The following TSNAXIP1 variants were observed in gnomAD, a reference collection of about 807,000 sequenced individuals.
TSNAXIP1 encodes the protein translin associated factor X interacting protein 1, also known as translin-associated factor X-interacting protein 1.
A neutral mutation model predicts 84.8 loss-of-function variants in TSNAXIP1; 89 were observed. The observed-to-expected ratio is 1.05, with a 90% CI of 0.88 to 1.25. The LOEUF (loss-of-function observed/expected upper bound fraction) is 1.25, where lower values mean the gene tolerates loss of function less well. TSNAXIP1 is among the 50% of genes most tolerant of loss of function. TSNAXIP1 has a pLI of 0.00. For missense variants in TSNAXIP1, 874 were observed against 887.6 expected (o/e 0.98, Z 0.20); for synonymous variants, 347 against 335.2 (o/e 1.04, Z -0.39).
rs748167125 is a variant in TSNAXIP1 at position 67,820,865 on chromosome 16, C to T, written c.174C>T (p.His58=). 7 of 1,578,084 alleles carry T rather than the reference C, an allele frequency of 4.4e-6. No individual in the cohort carries two copies. Among genetic ancestry groups the T allele is most frequent in the Admixed American group, 1.9e-5 (1 of 53,406 alleles). ...CTGGTCAGTTCTCCATGGGTGGGCA[C>T]CTGTCCCCATGGCCCACATACACCA... ...TLTGQFSMGG[H]LSPWPTYTSG... Residue 58 remains histidine, a synonymous_variant, in exon 3 of 16, where the codon CAC becomes CAT. Transcript: ENST00000561639.
Position 67,825,717 on chromosome 16 carries a change from C to T in TSNAXIP1, c.865C>T (p.Arg289Trp), listed in dbSNP as rs753750213. The change falls in exon 8 of 16, where the codon CGG (arginine) becomes TGG (tryptophan). Residue 289 changes from arginine to tryptophan, a missense_variant. Physicochemically the swap from Arg to Trp is moderately radical, Grantham distance 101. Transcript: ENST00000561639. ...GTTAACCCTGGCTCTTAAGATGACC[C>T]GGCAAGACCTGACCCGCACGCAGAT... ...VKLTLALKMT[R>W]QDLTRTQMEL... The T allele has an allele frequency of 6.8e-6, 11 of 1,614,134 alleles. No individual in the cohort carries two copies. The highest frequency in any genetic ancestry group is 3.3e-4 in the Middle Eastern group (2 of 6,062).
chr16:67,824,471 G>A (rs2057295142), intron 5 of TSNAXIP1, 112 bp from the exon 6 acceptor site: 1 of 1,004,458 alleles, frequency 1.0e-6, no homozygotes, highest in African/African-American at 1.6e-5. Context: ...AAGGCATGCA[G>A]AGATTCTTGG....
At position 67,825,871 on chromosome 16, in the gene TSNAXIP1, C is replaced by T. The variant is rs369084228; in HGVS notation, c.984+35C>T. Reference sequence around the variant, plus strand: ...GGCAGGCAGGGCCAGGAGGGTAGGACGGGGTCTCACAGGTGGGGGGCCAGG... The same window carrying T: ...GGCAGGCAGGGCCAGGAGGGTAGGATGGGGTCTCACAGGTGGGGGGCCAGG... On this transcript the variant is annotated intron_variant, in intron 8 of 15. Transcript: ENST00000561639. The T allele has an allele frequency of 4.9e-4, 783 of 1,613,940 alleles. 9 individuals are homozygous for T. In the South Asian group the frequency reaches 6.4e-3, roughly 13 times the overall value.
intron 2 of TSNAXIP1, among the ~76,000 whole-genome samples, chr16:67,815,033 A>G (rs2056425025): frequency 6.6e-6 from 1 of 152,060 alleles, no homozygotes; most frequent in African/African-American, 2.4e-5. Context: ...TAAAAAAAAA[A>G]AGAGCCGGGC....
In TSNAXIP1 at chr16:67,827,452, CT is replaced by C. The variant is rs773968489; in HGVS notation, c.1792-20del. On this transcript the variant is annotated intron_variant, in intron 14 of 15. Transcript: ENST00000561639. ...GGACCCTACCCAATGTGCCCTCCCC[CT>C]GACTTGTGGCCCCTCCCAGGATGAG... 5.6e-6 allele frequency: 9 copies of C among 1,614,154 alleles called. No homozygotes were observed. Among genetic ancestry groups the C allele is most frequent in the Non-Finnish European group, 7.6e-6 (9 of 1,179,996 alleles).
rs766371939 is a variant in TSNAXIP1, at chr16:67,826,551, G to T, written c.1390G>T (p.Ala464Ser). 10 of 1,614,062 alleles carry T rather than the reference G, an allele frequency of 6.2e-6. No individual in the cohort carries two copies. The African/African-American group carries it at 1.3e-4, about 22-fold the overall frequency. ...LLKDAWKERLAEEQKETFPDF... is the reference protein window; with the variant it reads ...LLKDAWKERLSEEQKETFPDF... ...CAAGGATGCCTGGAAGGAACGTCTT[G>T]CTGAGGAGCAGGTCAGATCTCACCA... The change falls in exon 11 of 16, where the codon GCT (alanine) becomes TCT (serine). Residue 464 changes from alanine (A) to serine (S), a missense_variant. Transcript: ENST00000561639.
rs745514716 is a variant in TSNAXIP1 at position 67,826,167 on chromosome 16, G to A, written c.1160G>A (p.Gly387Asp). ...CCACATGCAGATGTGGTGGCTGGGG[G>A]CCCAGAGCGCTGGCAGATGCTGGCT... is the stretch of plus-strand genomic sequence containing the variant. Reference protein sequence around the residue: ...WTKCKDVVAGGPERWQMLAEG... With the variant: ...WTKCKDVVAGDPERWQMLAEG... Residue 387 changes from glycine (G) to aspartate (D), a missense_variant, in exon 10 of 16, where the codon GGC becomes GAC. By Grantham distance (94) the Gly-to-Asp change is moderately conservative. Coordinates refer to ENST00000561639, the MANE Select transcript of TSNAXIP1 (RefSeq NM_001288990.3). 6.2e-7 allele frequency: 1 copy of A among 1,612,868 alleles called. No homozygotes were observed. Among genetic ancestry groups the A allele is most frequent in the Non-Finnish European group, 8.5e-7 (1 of 1,179,174 alleles).
At chr16:67,821,845 A>T (rs1598070782) in intron 4 of TSNAXIP1, among the ~76,000 whole-genome samples, 1 of 151,210 alleles carries the variant, frequency 6.6e-6, no homozygotes, top group Admixed American at 6.6e-5. Flanking sequence ...CAAAACCTGC[A>T]GTGGTGGTAC....
At chr16:67,823,253 A>C (rs1306272173) in intron 4 of TSNAXIP1, among the ~76,000 whole-genome samples, 2 of 152,170 alleles carry the variant, frequency 1.3e-5, no homozygotes, top group African/African-American at 4.8e-5. Context: ...CCCAGTAAAG[A>C]AAAAAACAGT....
At chr16:67,827,693 G>A in intron 15 of TSNAXIP1, 60 bp from the exon 16 acceptor site, 2 of 1,611,256 alleles carry the variant, frequency 1.2e-6, no homozygotes, top group Non-Finnish European at 1.7e-6. Context: ...GAGGGCACCT[G>A]GGAGTCTGGG....
chr16:67,824,943 T>C (rs896251570), intron 6 of TSNAXIP1, among the ~76,000 whole-genome samples, 164 bp downstream of exon 6: 1 of 152,168 alleles, frequency 6.6e-6, no homozygotes, highest in Admixed American at 6.5e-5. Context: ...GCTGCTAGGC[T>C]CAGTACTTTC....
chr16:67,828,050 A>G lies in TSNAXIP1; in HGVS notation c.*57A>G. On this transcript the variant is annotated 3_prime_UTR_variant, in exon 16 of 16. Coordinates refer to ENST00000561639, the MANE Select transcript of TSNAXIP1 (RefSeq NM_001288990.3). The stretch of plus-strand genomic sequence containing the variant: ...TGCTAACCCCTAGCTTTTAATATAA[A>G]AGTGTTTGTCTGAATCCATGCCATT... 3 of 1,587,446 alleles carry G rather than the reference A, an allele frequency of 1.9e-6. No individual in the cohort carries two copies. The highest frequency in any genetic ancestry group is 2.3e-5 in the South Asian group (2 of 87,492).
intron 13 of TSNAXIP1, 31 bp from the exon 14 acceptor site, chr16:67,827,218 G>T: frequency 1.2e-6 from 2 of 1,613,524 alleles, no homozygotes; most frequent in South Asian, 2.2e-5. Flanking sequence ...GCCTCAGCAG[G>T]TCCCTGTTGG....
At position 67,819,815 on chromosome 16, in the gene TSNAXIP1, A is replaced by ATTTTTTTTTTTTTT. The variant is rs1162375778; in HGVS notation, c.148-1015_148-1002dup. ...AGCACATGCCACCACACCTGGCTAA[A>ATTTTTTTTTTTTTT]TTTTTTTTTTTTTTTTTTTTTTGAG... On this transcript the variant is annotated intron_variant, in intron 2 of 15. Coordinates refer to ENST00000561639, the MANE Select transcript of TSNAXIP1 (RefSeq NM_001288990.3). 9.5e-4 allele frequency among the ~76,000 whole-genome samples: 97 copies of ATTTTTTTTTTTTTT among 102,634 alleles called. 3 individuals carry two copies. Among genetic ancestry groups the ATTTTTTTTTTTTTT allele is most frequent in the African/African-American group, 8.8e-4 (21 of 23,826 alleles). 67.3% of individuals were successfully genotyped at this position (102,634 alleles called of 152,430 possible). A position where few individuals can be genotyped will look rare whatever the true frequency, so the allele number is the denominator to read the frequency against.
intron 4 of TSNAXIP1, among the ~76,000 whole-genome samples, chr16:67,822,304 G>A (rs1207793656): frequency 6.7e-6 from 1 of 148,824 alleles, no homozygotes; most frequent in Non-Finnish European, 1.5e-5. Context: ...AAAAGAAAAC[G>A]CCAGTGAGCA....
intron 2 of TSNAXIP1, among the ~76,000 whole-genome samples, chr16:67,815,313 C>CAAAAAAAAAAAAAAAAAAAA (rs561529036): frequency 2.0e-5 from 1 of 50,024 alleles, no homozygotes; most frequent in Non-Finnish European, 4.4e-5. Flanking sequence ...GACTACATCT[C>CAAAAAAAAAAAAAAAAAAAA]AAAAAAAAAA....
chr16:67,808,438 G>T (rs1448632967), intron 1 of TSNAXIP1, among the ~76,000 whole-genome samples: 1 of 152,196 alleles, frequency 6.6e-6, no homozygotes, highest in Non-Finnish European at 1.5e-5. Context: ...GCCAGGCATG[G>T]GGGTGGGCAC....
chr16:67,822,696 T>G (rs539481570), intron 4 of TSNAXIP1, among the ~76,000 whole-genome samples: 1 of 152,318 alleles, frequency 6.6e-6, no homozygotes, highest in South Asian at 2.1e-4. Context: ...AGTCATTGAC[T>G]AAAGCATTTA....
At position 67,827,345 on chromosome 16, in the gene TSNAXIP1, C is replaced by G; in HGVS notation, c.1761C>G (p.Asp587Glu). ...GGWHPSSSNA[D>E]LLNYRSLFME... ...GGCATCCCAGCAGCAGCAATGCAGA[C>G]TTGCTCAACTACCGCTCACTGTTTA... The change falls in exon 14 of 16, where the codon GAC becomes GAG. Residue 587 changes from aspartate to glutamate, a missense_variant. Physicochemically the swap from Asp to Glu is conservative, Grantham distance 45. Coordinates refer to ENST00000561639, the MANE Select transcript of TSNAXIP1 (RefSeq NM_001288990.3). 1 of 1,614,216 alleles carries G rather than the reference C, an allele frequency of 6.2e-7. No individual in the cohort carries two copies.
Sources: gnomAD v4.1 joint callset for allele counts (sites outside exome capture counted in the v4.1 genomes callset) on GRCh38, gnomAD v4.1.1 for gene constraint, MANE v1.5 for transcripts, NCBI Gene and HGNC (gene_info 2026-07-23, HGNC 2026-07-21) for gene names.